Variants in METTL25 observed in about 807,000 individuals in gnomAD.
METTL25 encodes the protein probable methyltransferase-like protein 25.
A neutral mutation model predicts 71.6 loss-of-function variants in METTL25; 64 were observed. That is an observed-to-expected ratio of 0.89 (90% CI 0.73 to 1.10). The LOEUF (loss-of-function observed/expected upper bound fraction) is 1.10, where lower values mean the gene tolerates loss of function less well. METTL25 is among the 50% of genes least tolerant of loss of function. The pLI is 0.00. For missense variants in METTL25, 807 were observed against 707.0 expected (o/e 1.14, Z -1.60); for synonymous variants, 287 against 250.3 (o/e 1.15, Z -1.38).
Position 82,398,975 on chromosome 12 carries a change from C to T in METTL25, c.712C>T (p.Leu238=). Residue 238 remains leucine, a synonymous_variant, in exon 4 of 12, where the codon CTA becomes TTA. Transcript: ENST00000248306. ...HAQSRLDVNG[L]ALKMAKERKV... is the part of the protein sequence containing the mutation. Reference sequence around the variant, plus strand: ...TCAGTCAAGATTAGATGTCAATGGACTAGCATTAAAAATGGCAAAAGAAAG... The same window carrying T: ...TCAGTCAAGATTAGATGTCAATGGATTAGCATTAAAAATGGCAAAAGAAAG... 6.2e-7 allele frequency: 1 copy of T among 1,607,658 alleles called. No individual in the cohort carries two copies. Among genetic ancestry groups the T allele is most frequent in the Non-Finnish European group, 8.5e-7 (1 of 1,177,032 alleles).
At chr12:82,383,451 T>C (rs1455471315) in intron 1 of METTL25, among the ~76,000 whole-genome samples, 3 of 152,208 alleles carry the variant, frequency 2.0e-5, no homozygotes, top group Non-Finnish European at 4.4e-5. Context: ...ACCTAGTGTC[T>C]GTACAAACTT....
intron 9 of METTL25, among the ~76,000 whole-genome samples, chr12:82,470,318 G>C (rs1223804376): frequency 2.0e-5 from 3 of 152,102 alleles, no homozygotes; most frequent in South Asian, 2.1e-4. Context: ...TCTGTAACAG[G>C]TGTATTTGTT....
At chr12:82,473,505 G>A (rs115433085) in intron 9 of METTL25, among the ~76,000 whole-genome samples, 2 of 152,164 alleles carry the variant, frequency 1.3e-5, no homozygotes, top group African/African-American at 4.8e-5. Flanking sequence ...TCTCAGGCCT[G>A]TGTCATAGGC....
chr12:82,373,856 G>T (rs905791056), intron 1 of METTL25, among the ~76,000 whole-genome samples: 10 of 152,212 alleles, frequency 6.6e-5, no homozygotes, highest in African/African-American at 1.9e-4. Flanking sequence ...TCTTTAGTCT[G>T]GAGGTCATGC....
chr12:82,426,858 A>G (rs1177854944), intron 5 of METTL25, among the ~76,000 whole-genome samples: 1 of 151,872 alleles, frequency 6.6e-6, no homozygotes, highest in East Asian at 1.9e-4. Context: ...CTCTGTTCCC[A>G]TGGAAAAATT....
intron 8 of METTL25, among the ~76,000 whole-genome samples, chr12:82,448,578 A>C (rs1478856875): frequency 1.3e-5 from 2 of 152,052 alleles, no homozygotes; most frequent in African/African-American, 4.8e-5. Flanking sequence ...GTATACAGCT[A>C]TACAAAAAAT....
intron 4 of METTL25, among the ~76,000 whole-genome samples, chr12:82,401,207 T>C (rs2137016705): frequency 6.6e-6 from 1 of 152,250 alleles, no homozygotes; most frequent in South Asian, 2.1e-4. Flanking sequence ...CTGTCTTTTA[T>C]GTCTAGGACA....
chr12:82,475,233 G>A (rs1237185105), intron 9 of METTL25, among the ~76,000 whole-genome samples: 2 of 152,162 alleles, frequency 1.3e-5, no homozygotes, highest in Non-Finnish European at 2.9e-5. Context: ...TTCAACACAC[G>A]CAATTTTGTG....
chr12:82,452,526 A>G (rs1891219906), intron 8 of METTL25, among the ~76,000 whole-genome samples: 1 of 152,180 alleles, frequency 6.6e-6, no homozygotes, highest in Admixed American at 6.6e-5. Flanking sequence ...TGAATAAATA[A>G]TTTTTAATCA....
intron 1 of METTL25, among the ~76,000 whole-genome samples, chr12:82,366,073 T>G (rs1214477167): frequency 2.6e-5 from 4 of 151,942 alleles, no homozygotes; most frequent in African/African-American, 7.3e-5. Context: ...CAGAGTGAGA[T>G]TCCGTCTCAA....
intron 6 of METTL25, among the ~76,000 whole-genome samples, chr12:82,432,452 T>C (rs1307268365): frequency 6.6e-6 from 1 of 151,488 alleles, no homozygotes; most frequent in Admixed American, 6.6e-5. Context: ...AGAGAGAGAT[T>C]AGATTTAAAA....
intron 5 of METTL25, among the ~76,000 whole-genome samples, chr12:82,404,949 G>GA (rs11333059): frequency 1.0e-4 from 15 of 146,578 alleles, no homozygotes; most frequent in African/African-American, 2.8e-4. Context: ...CATCTCAAAA[G>GA]AAAAAAAAAA....
chr12:82,364,366 A>G (rs969471352), intron 1 of METTL25, among the ~76,000 whole-genome samples: 7 of 152,246 alleles, frequency 4.6e-5, no homozygotes, highest in Non-Finnish European at 7.3e-5. Context: ...TCAGTTTCAT[A>G]CCATGTGAAC....
intron 7 of METTL25, 114 bp downstream of exon 7, chr12:82,434,838 A>G: frequency 1.2e-6 from 1 of 868,414 alleles, no homozygotes; most frequent in South Asian, 1.5e-5. Flanking sequence ...CTTGTCCCAG[A>G]TGCATATTCA....
chr12:82,429,051 T>G (rs974112536), intron 5 of METTL25, among the ~76,000 whole-genome samples: 1 of 151,882 alleles, frequency 6.6e-6, no homozygotes, highest in Non-Finnish European at 1.5e-5. Context: ...TGGGAACATT[T>G]CAAATCTCTT....
At chr12:82,434,144 G>C (rs906060201) in intron 6 of METTL25, among the ~76,000 whole-genome samples, 4 of 151,222 alleles carry the variant, frequency 2.6e-5, no homozygotes, top group Non-Finnish European at 5.9e-5. Flanking sequence ...CCTGGTACTT[G>C]ATCATATGTG....
intron 1 of METTL25, among the ~76,000 whole-genome samples, chr12:82,367,094 C>A (rs1404798256): frequency 6.6e-6 from 1 of 152,114 alleles, no homozygotes; most frequent in African/African-American, 2.4e-5. Context: ...TTTAATGGTA[C>A]CTCCTCCACT....
At chr12:82,446,273 A>G (rs1031600571) in intron 8 of METTL25, among the ~76,000 whole-genome samples, 3 of 152,198 alleles carry the variant, frequency 2.0e-5, no homozygotes, top group African/African-American at 7.2e-5. Flanking sequence ...TTAGCCAGAC[A>G]GAAATATAAC....
At position 82,479,101 on chromosome 12, in the gene METTL25, C is replaced by G. The variant is rs1277706301; in HGVS notation, c.*77C>G. 1 of 1,147,570 alleles carries G rather than the reference C, an allele frequency of 8.7e-7. No individual in the cohort carries two copies. The highest frequency in any genetic ancestry group is 1.3e-6 in the Non-Finnish European group (1 of 783,736). The allele number at this position is 1,147,570 out of a possible 1,614,324, so 71.1% of individuals were successfully genotyped here. A position where few individuals can be genotyped will look rare whatever the true frequency, so the allele number is the denominator to read the frequency against. ...AGATTGCTTTTCTAAACATATATGT[C>G]CTGTTATACAAAAATTTTTAAATGA... On this transcript the variant is annotated 3_prime_UTR_variant, in exon 12 of 12. Transcript: ENST00000248306.
Sources: gnomAD v4.1 joint callset for allele counts (sites outside exome capture counted in the v4.1 genomes callset) on GRCh38, gnomAD v4.1.1 for gene constraint, MANE v1.5 for transcripts, NCBI Gene and HGNC (gene_info 2026-07-23, HGNC 2026-07-21) for gene names.